SRRM2: variants seen among roughly 807,000 people sequenced by gnomAD.
SRRM2 encodes the protein serine/arginine repetitive matrix 2, also known as serine/arginine repetitive matrix protein 2.
A neutral mutation model predicts 213.8 loss-of-function variants in SRRM2; 30 were observed. That is an observed-to-expected ratio of 0.14 (90% CI 0.10 to 0.19). SRRM2 has a LOEUF of 0.19. SRRM2 is among the 10% of genes least tolerant of loss of function. The pLI is 1.00. For synonymous variants in SRRM2, 2,025 were observed against 1,377.7 expected (o/e 1.47, Z -10.40); for missense variants, 4,904 against 3,647.0 (o/e 1.34, Z -8.88).
intron 2 of SRRM2, among the ~76,000 whole-genome samples, chr16:2,757,049 A>T (rs1202761513): frequency 6.6e-6 from 1 of 152,168 alleles, no homozygotes; most frequent in African/African-American, 2.4e-5. Context: ...AGTGGGAATC[A>T]TGGGCTGGGA....
At chr16:2,757,418 G>C in intron 2 of SRRM2, 54 bp from the exon 3 acceptor site, 1 of 1,542,566 alleles carries the variant, frequency 6.5e-7, no homozygotes, top group Non-Finnish European at 8.9e-7. Flanking sequence ...ATGGAAACCT[G>C]GGACTGGGGA....
rs2068585411 is a variant in SRRM2 at position 2,767,535 on chromosome 16, C to T, written c.7007C>T (p.Ala2336Val). 6.2e-7 allele frequency: 1 copy of T among 1,614,084 alleles called. No individual in the cohort carries two copies. Among genetic ancestry groups the T allele is most frequent in the Admixed American group, 1.7e-5 (1 of 60,002 alleles). Residue 2336 changes from alanine to valine, a missense_variant, in exon 11 of 15, where the codon GCA becomes GTA. Coordinates refer to ENST00000301740, the MANE Select transcript of SRRM2 (RefSeq NM_016333.4). ...AGAACACCACAGGCTCCAGCCTCTG[C>T]AAACCTGGTGGGTCCTCGGTCTGCA... Reference protein sequence around the residue: ...SSRTPQAPASANLVGPRSAHA... With the variant: ...SSRTPQAPASVNLVGPRSAHA...
chr16:2,756,518 C>T lies in SRRM2; in HGVS notation c.154C>T (p.Arg52Trp), dbSNP rs1164544577. 5.6e-6 allele frequency: 9 copies of T among 1,613,974 alleles called. No homozygotes were observed. Among genetic ancestry groups the T allele is most frequent in the Non-Finnish European group, 7.6e-6 (9 of 1,179,992 alleles). The change falls in exon 2 of 15, where the codon CGG becomes TGG. Residue 52 changes from arginine (R) to tryptophan (W), a missense_variant. Physicochemically the swap from Arg to Trp is moderately radical, Grantham distance 101. Coordinates refer to ENST00000301740, the MANE Select transcript of SRRM2 (RefSeq NM_016333.4). ...LRRLEAALVK[R>W]PNPDILDHER... ...GCGCCTGGAGGCTGCCCTGGTGAAGCGGCCTAATCCTGACATCCTGGACCA... is the reference window on the plus strand; with the variant it reads ...GCGCCTGGAGGCTGCCCTGGTGAAGTGGCCTAATCCTGACATCCTGGACCA...
Position 2,767,214 on chromosome 16 carries a change from C to T in SRRM2, c.6686C>T (p.Ala2229Val). Residue 2229 changes from alanine (A) to valine (V), a missense_variant, in exon 11 of 15, where the codon GCC becomes GTC. Coordinates refer to ENST00000301740, the MANE Select transcript of SRRM2 (RefSeq NM_016333.4). ...AGAACCGCACCAGCAGCCAACCTTG[C>T]CAGCAGGATTCCTGCAGCCTCTGCG... ...SLRTAPAANL[A>V]SRIPAASAAA... 1 of 1,614,188 alleles carries T rather than the reference C, an allele frequency of 6.2e-7. No individual in the cohort carries two copies. The highest frequency in any genetic ancestry group is 8.5e-7 in the Non-Finnish European group (1 of 1,180,042).
At chr16:2,757,228 GCTTAA>G (rs1252476277) in intron 2 of SRRM2, among the ~76,000 whole-genome samples, 2 of 149,982 alleles carry the variant, frequency 1.3e-5, no homozygotes, top group African/African-American at 5.0e-5. Context: ...AACCCTGCTT[GCTTAA>G]CTTTTTTCTT....
At chr16:2,755,649 T>TGGG (rs969867702) in intron 1 of SRRM2, among the ~76,000 whole-genome samples, 4 of 152,180 alleles carry the variant, frequency 2.6e-5, no homozygotes, top group Non-Finnish European at 5.9e-5. Flanking sequence ...GGCCCTTACC[T>TGGG]GGGAGGTGAA....
Position 2,763,119 on chromosome 16 carries a change from C to T in SRRM2, c.2591C>T (p.Ser864Phe). 6.2e-7 allele frequency: 1 copy of T among 1,614,194 alleles called. No individual in the cohort carries two copies. Residue 864 changes from serine to phenylalanine, a missense_variant, in exon 11 of 15, where the codon TCT (serine) becomes TTT (phenylalanine). Coordinates refer to ENST00000301740, the MANE Select transcript of SRRM2 (RefSeq NM_016333.4). ...SITSPQANEQSVTPQRRSCFE... is the reference protein window; with the variant it reads ...SITSPQANEQFVTPQRRSCFE... ...ACAAGTCCCCAGGCCAATGAGCAATCTGTAACGCCACAGAGACGGAGCTGT... is the reference window on the plus strand; with the variant it reads ...ACAAGTCCCCAGGCCAATGAGCAATTTGTAACGCCACAGAGACGGAGCTGT...
intron 1 of SRRM2, chr16:2,753,553 T>A (rs1251956660): frequency 1.3e-5 from 2 of 152,278 alleles, no homozygotes; most frequent in Non-Finnish European, 2.9e-5. Flanking sequence ...TTTACACTTT[T>A]TCAACGTCTC....
chr16:2,761,327 T>C (rs746800359), intron 10 of SRRM2, among the ~76,000 whole-genome samples: 2 of 152,248 alleles, frequency 1.3e-5, no homozygotes, highest in Non-Finnish European at 2.9e-5. Flanking sequence ...TAGTAGTGCA[T>C]TAGTTATTTG....
At position 2,768,090 on chromosome 16, in the gene SRRM2, T is replaced by C; in HGVS notation, c.7562T>C (p.Leu2521Ser). ...ASTGAQQPSA[L>S]AALQPAKERR... ...ACTGGGGCCCAGCAGCCTTCTGCAT[T>C]AGCCGCCCTGCAGCCAGCAAAGGAG... The change falls in exon 11 of 15, where the codon TTA becomes TCA. Residue 2521 changes from leucine to serine, a missense_variant. Coordinates refer to ENST00000301740, the MANE Select transcript of SRRM2 (RefSeq NM_016333.4). 1 of 1,614,120 alleles carries C rather than the reference T, an allele frequency of 6.2e-7. No homozygotes were observed.
intron 2 of SRRM2, 138 bp downstream of exon 2, chr16:2,756,744 AGAGAAGT>A: frequency 8.1e-7 from 1 of 1,237,388 alleles, no homozygotes; most frequent in Non-Finnish European, 1.1e-6. Context: ...GATGAGCTCT[AGAGAAGT>A]GAAAACAGTT....
Position 2,765,854 on chromosome 16 carries a change from C to G in SRRM2, c.5326C>G (p.Arg1776Gly). The G allele has an allele frequency of 1.2e-6, 2 of 1,614,072 alleles. No homozygotes were observed. Among genetic ancestry groups the G allele is most frequent in the Non-Finnish European group, 1.7e-6 (2 of 1,180,014 alleles). The change falls in exon 11 of 15, where the codon CGC becomes GGC. Residue 1776 changes from arginine (R) to glycine (G), a missense_variant. Physicochemically the swap from Arg to Gly is moderately radical, Grantham distance 125. Transcript: ENST00000301740. ...TCGTGGACTCCAGAGGTCCCGTTCCCGCTCAAGGAGAGAGAAAACAAGAAC... is the reference window on the plus strand; with the variant it reads ...TCGTGGACTCCAGAGGTCCCGTTCCGGCTCAAGGAGAGAGAAAACAAGAAC... ...KPRGLQRSRS[R>G]SRREKTRTTR...
In SRRM2 at chr16:2,762,611, A is replaced by G. The variant is rs201425326; in HGVS notation, c.2083A>G (p.Arg695Gly). The change falls in exon 11 of 15, where the codon AGG becomes GGG. Residue 695 changes from arginine to glycine, a missense_variant. Transcript: ENST00000301740. The part of the protein sequence containing the change: ...TPARRGRSRS[R>G]TPRRGRSRSR... ...AGCCAGGAGAGGGAGGTCTCGGTCTAGGACACCAAGACGAGGAAGATCCCG... is the reference window on the plus strand; with the variant it reads ...AGCCAGGAGAGGGAGGTCTCGGTCTGGGACACCAAGACGAGGAAGATCCCG... The G allele has an allele frequency of 1.2e-6, 2 of 1,614,180 alleles. No individual in the cohort carries two copies. Among genetic ancestry groups the G allele is most frequent in the Admixed American group, 3.3e-5 (2 of 60,032 alleles).
Position 2,765,701 on chromosome 16 carries a change from C to T in SRRM2, c.5173C>T (p.Arg1725Trp), listed in dbSNP as rs749149639. Residue 1725 changes from arginine (R) to tryptophan (W), a missense_variant, in exon 11 of 15, where the codon CGG becomes TGG. Physicochemically the swap from Arg to Trp is moderately radical, Grantham distance 101. Transcript: ENST00000301740. ...TCGCTCTAGAACTCCCCCAAGGCAC[C>T]GGAGAAGTCCCTCAGTGTCTTCCCC... The part of the protein sequence containing the change: ...ETRSRTPPRH[R>W]RSPSVSSPEP... 34 of 1,614,020 alleles carry T rather than the reference C, an allele frequency of 2.1e-5. No homozygotes were observed. The highest frequency in any genetic ancestry group is 1.6e-4 in the Middle Eastern group (1 of 6,084).
At position 2,764,652 on chromosome 16, in the gene SRRM2, C is replaced by T. The variant is rs190790957; in HGVS notation, c.4124C>T (p.Ser1375Leu). 5 of 1,614,086 alleles carry T rather than the reference C, an allele frequency of 3.1e-6. No individual in the cohort carries two copies. The East Asian group carries it at 6.7e-5, about 22-fold the overall frequency. ...TDPSLDMKEQSTRSSGHSSSE... is the reference protein window; with the variant it reads ...TDPSLDMKEQLTRSSGHSSSE... ...CCATCTCTAGACATGAAAGAACAAT[C>T]GACAAGATCCTCTGGACACAGCAGT... The change falls in exon 11 of 15, where the codon TCG becomes TTG. Residue 1375 changes from serine (S) to leucine (L), a missense_variant. Ser to Leu is a moderately radical substitution (Grantham distance 145, BLOSUM62 -2). Coordinates refer to ENST00000301740, the MANE Select transcript of SRRM2 (RefSeq NM_016333.4).
rs1354583311 is a variant in SRRM2 at position 2,756,464 on chromosome 16, C to T, written c.100C>T (p.Pro34Ser). The part of the protein sequence containing the change: ...SLVRGRRGER[P>S]DYKGEEELRR... Reference sequence around the variant, plus strand: ...GGTGCGGGGCCGCCGGGGTGAGCGGCCTGACTACAAGGGAGAGGAGGAACT... The same window carrying T: ...GGTGCGGGGCCGCCGGGGTGAGCGGTCTGACTACAAGGGAGAGGAGGAACT... Residue 34 changes from proline to serine, a missense_variant, in exon 2 of 15, where the codon CCT becomes TCT. Transcript: ENST00000301740. The T allele has an allele frequency of 6.2e-7, 1 of 1,613,560 alleles. No individual in the cohort carries two copies. Among genetic ancestry groups the T allele is most frequent in the Admixed American group, 1.7e-5 (1 of 60,002 alleles).
In SRRM2 at chr16:2,765,259, T is replaced by G; in HGVS notation, c.4731T>G (p.Ser1577Arg). ...AKTRTPLRQR[S>R]RSGSSPEVDS... is the part of the protein sequence containing the mutation. ...CAAGAACCCCACTTCGGCAGAGGAGTCGGTCTGGATCATCTCCAGAGGTTG... is the reference window on the plus strand; with the variant it reads ...CAAGAACCCCACTTCGGCAGAGGAGGCGGTCTGGATCATCTCCAGAGGTTG... Residue 1577 changes from serine (S) to arginine (R), a missense_variant, in exon 11 of 15, where the codon AGT (serine) becomes AGG (arginine). Ser to Arg is a moderately radical substitution (Grantham distance 110). Coordinates refer to ENST00000301740, the MANE Select transcript of SRRM2 (RefSeq NM_016333.4). 1 of 1,613,718 alleles carries G rather than the reference T, an allele frequency of 6.2e-7. No individual in the cohort carries two copies. The highest frequency in any genetic ancestry group is 8.5e-7 in the Non-Finnish European group (1 of 1,179,854).
In SRRM2 at chr16:2,767,311, G is replaced by A. The variant is rs751525041; in HGVS notation, c.6783G>A (p.Thr2261=). ...CAGTGAACCTGGCTGACTCTCGAAC[G>A]CCAGCTGCAGCAGCGGCCATGAACT... ...PTAVNLADSR[T]PAAAAAMNLA... The change falls in exon 11 of 15, where the codon ACG becomes ACA. Residue 2261 remains threonine (T), a synonymous_variant. Coordinates refer to ENST00000301740, the MANE Select transcript of SRRM2 (RefSeq NM_016333.4). The A allele has an allele frequency of 3.1e-6, 5 of 1,613,538 alleles. No individual in the cohort carries two copies. Among genetic ancestry groups the A allele is most frequent in the Admixed American group, 3.3e-5 (2 of 59,990 alleles).
rs1473373437 is a variant in SRRM2 at position 2,767,768 on chromosome 16, C to G, written c.7240C>G (p.Pro2414Ala). The G allele has an allele frequency of 6.2e-7, 1 of 1,613,806 alleles. No homozygotes were observed. Among genetic ancestry groups the G allele is most frequent in the Non-Finnish European group, 8.5e-7 (1 of 1,179,962 alleles). ...TAGGTCCAGAACACCACCGTCTGCC[C>G]CAAGCCAATCTAGGATGACCTCTGA... ...RARSRTPPSAPSQSRMTSERA... is the reference protein window; with the variant it reads ...RARSRTPPSAASQSRMTSERA... Residue 2414 changes from proline (P) to alanine (A), a missense_variant, in exon 11 of 15, where the codon CCA becomes GCA. Physicochemically the swap from Pro to Ala is conservative, Grantham distance 27 (BLOSUM62 -1). Coordinates refer to ENST00000301740, the MANE Select transcript of SRRM2 (RefSeq NM_016333.4).
Sources: gnomAD v4.1 joint callset for allele counts (sites outside exome capture counted in the v4.1 genomes callset) on GRCh38, gnomAD v4.1.1 for gene constraint, MANE v1.5 for transcripts, NCBI Gene and HGNC (gene_info 2026-07-23, HGNC 2026-07-21) for gene names.